Variants in COL5A1 observed in about 807,000 individuals in gnomAD.
COL5A1 encodes collagen alpha-1(V) chain.
Under a neutral mutation model 263.7 loss-of-function variants are expected in COL5A1, and 16 were observed. The observed-to-expected ratio is 0.06, with a 90% CI of 0.04 to 0.09. The LOEUF (loss-of-function observed/expected upper bound fraction) is 0.09, where lower values mean the gene tolerates loss of function less well. COL5A1 is among the 10% of genes least tolerant of loss of function. The pLI, the probability that COL5A1 is intolerant of heterozygous loss-of-function variation, is 1.00. For synonymous variants in COL5A1, 1,012 were observed against 1,004.5 expected, an observed-to-expected ratio of 1.01 and a Z score of -0.14; for missense variants, 2,036 against 2,540.5, an observed-to-expected ratio of 0.80 and a Z score of 4.27.
intron 6 of COL5A1, 58 bp downstream of exon 6, chr9:134,728,865 G>A (rs953388706): frequency 1.2e-6 from 2 of 1,609,136 alleles, no homozygotes; most frequent in East Asian, 2.2e-5. Flanking sequence ...TGGTGCAGGG[G>A]AGGGCGAGGC....
chr9:134,737,747 A>G (rs1026355718), intron 9 of COL5A1, among the ~76,000 whole-genome samples: 3 of 152,038 alleles, frequency 2.0e-5, no homozygotes, highest in African/African-American at 7.2e-5. Flanking sequence ...AGCTGTCCAC[A>G]TTGCCTTTCC....
At chr9:134,798,308 G>A in intron 36 of COL5A1, 100 bp from the exon 37 acceptor site, 1 of 1,082,414 alleles carries the variant, frequency 9.2e-7, no homozygotes, top group Non-Finnish European at 1.4e-6. Flanking sequence ...TGCAGGGGCA[G>A]GAGCCATGGA....
intron 63 of COL5A1, among the ~76,000 whole-genome samples, chr9:134,829,751 C>T (rs544773239): frequency 6.6e-6 from 1 of 152,150 alleles, no homozygotes; most frequent in Non-Finnish European, 1.5e-5. Flanking sequence ...GCTCATCCCC[C>T]CAAGGACCTG....
intron 20 of COL5A1, among the ~76,000 whole-genome samples, chr9:134,764,515 G>T: frequency 6.6e-6 from 1 of 152,076 alleles, no homozygotes; most frequent in South Asian, 2.1e-4. Context: ...CCAGCCCTGG[G>T]CATGGGAAAG....
chr9:134,734,452 C>T (rs1198460521), intron 9 of COL5A1, among the ~76,000 whole-genome samples: 3 of 152,242 alleles, frequency 2.0e-5, no homozygotes, highest in African/African-American at 7.2e-5. Context: ...ATTTCTCAAC[C>T]TGGAACGTTG....
At chr9:134,785,868 G>A in intron 30 of COL5A1, 127 bp from the exon 31 acceptor site, 1 of 827,670 alleles carries the variant, frequency 1.2e-6, no homozygotes, top group Non-Finnish European at 2.0e-6. Context: ...AATGACGTGT[G>A]CCCCCGCCTC....
At chr9:134,663,085 A>G (rs957136646) in intron 1 of COL5A1, among the ~76,000 whole-genome samples, 8 of 152,226 alleles carry the variant, frequency 5.3e-5, no homozygotes, top group Admixed American at 5.2e-4. Flanking sequence ...TGAAGAGACC[A>G]TGTTCTCAAA....
chr9:134,819,559 C>T (rs1447503188), intron 57 of COL5A1, among the ~76,000 whole-genome samples: 5 of 152,236 alleles, frequency 3.3e-5, no homozygotes, highest in African/African-American at 1.2e-4. Flanking sequence ...CTCATTTCCA[C>T]TCTGACGTCC....
At chr9:134,814,295 C>A (rs1210742799) in intron 49 of COL5A1, among the ~76,000 whole-genome samples, 2 of 152,220 alleles carry the variant, frequency 1.3e-5, no homozygotes, top group African/African-American at 4.8e-5. Flanking sequence ...TTGCTCCTGG[C>A]CCCTTCGCGG....
intron 58 of COL5A1, among the ~76,000 whole-genome samples, chr9:134,820,638 C>A (rs1013345218): frequency 6.6e-6 from 1 of 152,194 alleles, no homozygotes; most frequent in Non-Finnish European, 1.5e-5. Context: ...CTGCTTCCAC[C>A]TTGTCCCCAG....
At chr9:134,824,464 C>A (rs1166375669) in intron 61 of COL5A1, 136 bp from the exon 62 acceptor site, 4 of 1,060,288 alleles carry the variant, frequency 3.8e-6, no homozygotes, top group Non-Finnish European at 5.5e-6. Flanking sequence ...CTAAGGCGGA[C>A]AGATGTCCAT....
intron 36 of COL5A1, 30 bp downstream of exon 36, chr9:134,796,931 A>G (rs1376221440): frequency 1.2e-6 from 2 of 1,600,028 alleles, no homozygotes; most frequent in Admixed American, 3.3e-5. Context: ...CTGGGCCAGC[A>G]CTGCCTGTCC....
At chr9:134,802,776 C>T (rs189161487) in intron 38 of COL5A1, 112 bp from the exon 39 acceptor site, 102 of 825,860 alleles carry the variant, frequency 1.2e-4, no homozygotes, top group African/African-American at 5.9e-4. Context: ...TTGGTGTGCC[C>T]GCAGCAGACC....
At chr9:134,660,725 T>C (rs1470386776) in intron 1 of COL5A1, among the ~76,000 whole-genome samples, 1 of 152,196 alleles carries the variant, frequency 6.6e-6, no homozygotes, top group Admixed American at 6.5e-5. Context: ...CCTCAGTTTC[T>C]TCATGTGTAA....
chr9:134,827,042 C>T lies in COL5A1; in HGVS notation c.5067+1138C>T, dbSNP rs140600868. Among the ~76,000 whole-genome samples, 306 of 152,290 alleles carry T rather than the reference C, an allele frequency of 2.0e-3. 9 individuals carry two copies. In the East Asian group the frequency reaches 0.024, roughly 12 times the overall value. The stretch of plus-strand genomic sequence containing the variant: ...TCTCGTGCCCCTGCATCAGCTTGAA[C>T]GGCCTCTCCTTCATGAGCTCGCAGT... On this transcript the variant is annotated intron_variant, in intron 63 of 65. Transcript: ENST00000371817.
intron 50 of COL5A1, 32 bp from the exon 51 acceptor site, chr9:134,815,544 G>A (rs756311264): frequency 6.2e-7 from 1 of 1,608,976 alleles, no homozygotes; most frequent in South Asian, 1.1e-5. Context: ...GTTGCTGATG[G>A]CCTTGGCTGC....
At chr9:134,648,302 A>AT (rs1831543905) in intron 1 of COL5A1, among the ~76,000 whole-genome samples, 1 of 140,452 alleles carries the variant, frequency 7.1e-6, no homozygotes, top group Non-Finnish European at 1.5e-5. Flanking sequence ...ATATATATAT[A>AT]TAATATATAT....
chr9:134,701,922 A>G (rs908661218), intron 4 of COL5A1, among the ~76,000 whole-genome samples: 1 of 152,192 alleles, frequency 6.6e-6, no homozygotes, highest in Non-Finnish European at 1.5e-5. Context: ...GGAGCCCTTC[A>G]TAGGTTGGGG....
At chr9:134,782,801 G>A (rs576107778) in intron 29 of COL5A1, 81 bp downstream of exon 29, 33 of 1,304,362 alleles carry the variant, frequency 2.5e-5, no homozygotes, top group Non-Finnish European at 3.6e-5. Flanking sequence ...GATGTTTGCC[G>A]CCACAGGGCA....
Sources: allele counts gnomAD v4.1 joint callset (sites outside exome capture counted in the v4.1 genomes callset), GRCh38; gene constraint gnomAD v4.1.1; transcripts MANE v1.5; gene names NCBI Gene and HGNC (gene_info 2026-07-23, HGNC 2026-07-21).